The following PRKCZ variants were observed in gnomAD, a reference collection of about 807,000 sequenced individuals.
PRKCZ encodes protein kinase C zeta, also known as protein kinase C zeta type.
A neutral mutation model predicts 79.5 loss-of-function variants in PRKCZ; 33 were observed. The observed-to-expected ratio is 0.41, with a 90% CI of 0.31 to 0.55. The LOEUF (loss-of-function observed/expected upper bound fraction) is 0.55, where lower values mean the gene tolerates loss of function less well. Among genes scored for constraint, PRKCZ ranks in the 20% least tolerant of loss-of-function variants. The pLI, the probability that PRKCZ is intolerant of heterozygous loss-of-function variation, is 0.19. For missense variants in PRKCZ, 578 were observed against 813.5 expected (o/e 0.71, Z 3.52); for synonymous variants, 342 against 320.9 (o/e 1.07, Z -0.70).
rs1360711560 is a variant in PRKCZ, at chr1:2,074,776, G to C, written c.334+15185G>C. On this transcript the variant is annotated intron_variant, in intron 4 of 17. Transcript: ENST00000378567. ...TTCTGAAATGGTTGGAGGTAGACTCGGAGGGGTCTGGGGGCTGCATGGTGT... is the reference window on the plus strand; with the variant it reads ...TTCTGAAATGGTTGGAGGTAGACTCCGAGGGGTCTGGGGGCTGCATGGTGT... 14 of 170,136 alleles carry C rather than the reference G, an allele frequency of 8.2e-5. No homozygotes were observed. In the South Asian group the frequency reaches 2.3e-3, roughly 27 times the overall value. 10.5% of individuals were successfully genotyped at this position (170,136 alleles called of 1,614,324 possible).
chr1:2,069,153 C>A (rs2678939), intron 4 of PRKCZ, among the ~76,000 whole-genome samples: 53,990 of 152,056 alleles, frequency 0.36, 13,769 homozygotes, highest in East Asian at 0.7. Context: ...CGACCCCCGG[C>A]ACCTCCGTCA....
chr1:2,076,916 C>T (rs1662530531), intron 4 of PRKCZ, among the ~76,000 whole-genome samples: 1 of 152,176 alleles, frequency 6.6e-6, no homozygotes, highest in Non-Finnish European at 1.5e-5. Context: ...CTAGGATTCT[C>T]CTGAACACGC....
intron 10 of PRKCZ, 27 bp from the exon 11 acceptor site, chr1:2,169,491 C>T (rs934678438): frequency 4.5e-6 from 7 of 1,544,896 alleles, no homozygotes; most frequent in Non-Finnish European, 6.1e-6. Flanking sequence ...GAGGTGACTG[C>T]AGCCTCCGGC....
At position 2,121,759 on chromosome 1, in the gene PRKCZ, C is replaced by T. The variant is rs376765821; in HGVS notation, c.335-13503C>T. Among the ~76,000 whole-genome samples, 35 of 6,142 alleles carry T rather than the reference C, an allele frequency of 5.7e-3. 3 individuals carry two copies. The highest frequency in any genetic ancestry group is 0.012 in the African/African-American group (24 of 1,994). 4.0% of individuals were successfully genotyped at this position (6,142 alleles called of 152,430 possible). A position where few individuals can be genotyped will look rare whatever the true frequency, so the allele number is the denominator to read the frequency against. ...AGGGTCACGGCGGTGGTTAGGGTCA[C>T]GGCGGTGGTTAGGGTCACGGTGGTG... is the stretch of plus-strand genomic sequence containing the variant. On this transcript the variant is annotated intron_variant, in intron 4 of 17. Transcript: ENST00000378567.
chr1:2,148,803 G>A lies in PRKCZ; in HGVS notation c.635-69G>A, dbSNP rs367866188. The A allele has an allele frequency of 3.8e-5, 58 of 1,512,752 alleles. No individual in the cohort carries two copies. The African/African-American group carries it at 6.9e-4, about 18-fold the overall frequency. 93.7% of individuals were successfully genotyped at this position (1,512,752 alleles called of 1,614,324 possible). A position where few individuals can be genotyped will look rare whatever the true frequency, so the allele number is the denominator to read the frequency against. ...ACCCTGCAGAGGAGCAAGGTCCACA[G>A]GGTCGCTGTGTTCCCAGTGCGTTCC... On this transcript the variant is annotated intron_variant, in intron 7 of 17. Transcript: ENST00000378567.
intron 4 of PRKCZ, among the ~76,000 whole-genome samples, chr1:2,099,532 T>TG (rs1470673519): frequency 6.6e-6 from 1 of 151,584 alleles, no homozygotes; most frequent in Non-Finnish European, 1.5e-5. Flanking sequence ...GGGAAGGCCG[T>TG]GGGGAGGAGT....
chr1:2,125,700 C>T lies in PRKCZ; in HGVS notation c.335-9562C>T, dbSNP rs775630908. ...TCCATGGCAGGTGAGTCTGATTATTCGAAGGAGGCTGGAGTGTGGGCGGAG... is the reference window on the plus strand; with the variant it reads ...TCCATGGCAGGTGAGTCTGATTATTTGAAGGAGGCTGGAGTGTGGGCGGAG... On this transcript the variant is annotated intron_variant, in intron 4 of 17. Coordinates refer to ENST00000378567, the MANE Select transcript of PRKCZ (RefSeq NM_002744.6). This position sits in a 1 kb window ranked among gnomAD's most constrained non-coding sequence, Gnocchi z 4.2. Among the ~76,000 whole-genome samples the T allele has an allele frequency of 6.6e-6, 1 of 152,200 alleles. No homozygotes were observed. The highest frequency in any genetic ancestry group is 1.5e-5 in the Non-Finnish European group (1 of 68,028).
rs142217737 is a variant in PRKCZ, at chr1:2,114,760, G to A, written c.335-20502G>A. On this transcript the variant is annotated intron_variant, in intron 4 of 17. Transcript: ENST00000378567. ...CTGCACTCCAGCCTGGTGACAGAGC[G>A]AGACTCCGTCTCAAAAAAAAAAGAA... is the stretch of plus-strand genomic sequence containing the variant. 1.8e-3 allele frequency among the ~76,000 whole-genome samples: 267 copies of A among 152,168 alleles called. 4 individuals are homozygous for A. The East Asian group carries it at 0.043, about 25-fold the overall frequency.
chr1:2,121,798 C>T (rs376182121), intron 4 of PRKCZ, among the ~76,000 whole-genome samples: 26 of 1,386 alleles, frequency 0.019, 1 homozygote, highest in African/African-American at 0.042. Flanking sequence ...AGGGTCACGG[C>T]GGTGGTTAGG....
intron 10 of PRKCZ, among the ~76,000 whole-genome samples, chr1:2,164,781 G>A (rs1469939752): frequency 5.9e-5 from 9 of 152,086 alleles, no homozygotes; most frequent in Admixed American, 3.9e-4. Context: ...TGCGATTGCC[G>A]GGCCTTGGGT....
chr1:2,185,199 C>A lies in PRKCZ; in HGVS notation c.*190C>A. 1.4e-6 allele frequency: 1 copy of A among 708,024 alleles called. No individual in the cohort carries two copies. Among genetic ancestry groups the A allele is most frequent in the South Asian group, 1.5e-5 (1 of 65,430 alleles). The allele number at this position is 708,024 out of a possible 1,614,324, so 43.9% of individuals were successfully genotyped here. A position where few individuals can be genotyped will look rare whatever the true frequency, so the allele number is the denominator to read the frequency against. On this transcript the variant is annotated 3_prime_UTR_variant, in exon 18 of 18. Transcript: ENST00000378567. ...ACAGTCCCTCACACCTGGGCCCGGG[C>A]AGGCCAGCTTCGTGCTGGAGGAACT...
At chr1:2,118,098 G>A (rs933546084) in intron 4 of PRKCZ, among the ~76,000 whole-genome samples, 5 of 136,934 alleles carry the variant, frequency 3.7e-5, no homozygotes, top group Non-Finnish European at 7.6e-5. Flanking sequence ...CCTGGTTCAA[G>A]CGATTCTCCT....
upstream of PRKCZ, chr1:2,049,954 G>C (rs1446073357): frequency 6.6e-6 from 1 of 152,316 alleles, no homozygotes. Flanking sequence ...GAGTCCGGAC[G>C]CTCCCGTCCG....
intron 4 of PRKCZ, among the ~76,000 whole-genome samples, chr1:2,101,689 C>T (rs967259342): frequency 1.3e-5 from 2 of 152,096 alleles, no homozygotes; most frequent in Non-Finnish European, 2.9e-5. Flanking sequence ...TGGGGGTTTG[C>T]GAAGATGACA....
intron 4 of PRKCZ, among the ~76,000 whole-genome samples, chr1:2,087,900 C>T (rs1161777951): frequency 2.0e-5 from 3 of 152,216 alleles, no homozygotes; most frequent in Non-Finnish European, 2.9e-5. Context: ...CCAGGCAGGT[C>T]ACTGCCTGCA....
chr1:2,150,091 G>A (rs1201825826), intron 8 of PRKCZ, among the ~76,000 whole-genome samples: 2 of 150,588 alleles, frequency 1.3e-5, no homozygotes, highest in Non-Finnish European at 3.0e-5. Flanking sequence ...GAACCCGGGA[G>A]GTGGAGCTTG....
rs538998671 is a variant in PRKCZ, at chr1:2,094,221, A to G, written c.334+34630A>G. Among the ~76,000 whole-genome samples the G allele has an allele frequency of 2.0e-5, 3 of 152,056 alleles. No individual in the cohort carries two copies. The highest frequency in any genetic ancestry group is 3.9e-4 in the East Asian group (2 of 5,138). ...CTGTCTTGGACGGGAGCTGGAAGGG[A>G]CGTGGTTCCAGTCCTGCTGTGCCAA... On this transcript the variant is annotated intron_variant, in intron 4 of 17. Coordinates refer to ENST00000378567, the MANE Select transcript of PRKCZ (RefSeq NM_002744.6). This position sits in a 1 kb window ranked among gnomAD's most constrained non-coding sequence, Gnocchi z 7.3.
At chr1:2,126,503 A>C in intron 4 of PRKCZ, among the ~76,000 whole-genome samples, 1 of 150,980 alleles carries the variant, frequency 6.6e-6, no homozygotes, top group Non-Finnish European at 1.5e-5. Context: ...CGACCCTGCC[A>C]TGCCCACCCC....
intron 17 of PRKCZ, 49 bp from the exon 18 acceptor site, chr1:2,184,873 G>C (rs1687335741): frequency 1.0e-5 from 16 of 1,528,398 alleles, no homozygotes; most frequent in South Asian, 3.4e-5. Flanking sequence ...TTCCCCCAAG[G>C]GAATGAACAC....
Sources: allele counts gnomAD v4.1 joint callset (sites outside exome capture counted in the v4.1 genomes callset), GRCh38; gene constraint gnomAD v4.1.1; non-coding constraint Gnocchi (gnomAD v3.1); transcripts MANE v1.5; gene names NCBI Gene and HGNC (gene_info 2026-07-23, HGNC 2026-07-21).